Variants in AKAP19 observed in about 807,000 individuals in gnomAD.
AKAP19 encodes the protein small A-kinase anchoring protein.
the AKAP19 span, among the ~76,000 whole-genome samples, chr2:189,955,871 A>G: frequency 1.3e-5 from 2 of 152,220 alleles, no homozygotes; most frequent in Non-Finnish European, 2.9e-5. Flanking sequence ...ACCAAATCCA[A>G]TATAAATATC....
chr2:190,155,497 A>G, the AKAP19 span, among the ~76,000 whole-genome samples: 159 of 152,322 alleles, frequency 1.0e-3, 2 homozygotes, highest in South Asian at 1.9e-3. Context: ...TAACTATTAG[A>G]TTAGACTAGA....
chr2:190,128,168 C>T, the AKAP19 span, among the ~76,000 whole-genome samples: 1 of 152,100 alleles, frequency 6.6e-6, no homozygotes, highest in African/African-American at 2.4e-5. Context: ...GAGCTAATGT[C>T]TCTTTAAGGA....
the AKAP19 span, among the ~76,000 whole-genome samples, chr2:190,128,810 A>G: frequency 6.6e-6 from 1 of 152,214 alleles, no homozygotes; most frequent in African/African-American, 2.4e-5. Context: ...TAATAGTATA[A>G]AAACCTAAAC....
At chr2:190,160,023 T>C in the AKAP19 span, among the ~76,000 whole-genome samples, 26 of 152,202 alleles carry the variant, frequency 1.7e-4, no homozygotes, top group African/African-American at 6.3e-4. Flanking sequence ...AGTTGAAACA[T>C]TTCTTTAGAT....
chr2:189,918,232 A>G, the AKAP19 span, among the ~76,000 whole-genome samples: 7 of 152,118 alleles, frequency 4.6e-5, no homozygotes, highest in Non-Finnish European at 8.8e-5. Flanking sequence ...GATAGAATAT[A>G]TAGTATTTAT....
the AKAP19 span, among the ~76,000 whole-genome samples, chr2:190,109,556 A>G: frequency 6.6e-6 from 1 of 151,144 alleles, no homozygotes; most frequent in East Asian, 1.9e-4. Flanking sequence ...TGGGAGGGGG[A>G]CTCTTGCCGA....
the AKAP19 span, among the ~76,000 whole-genome samples, chr2:190,012,664 G>A: frequency 6.6e-6 from 1 of 152,088 alleles, no homozygotes; most frequent in South Asian, 2.1e-4. Context: ...GAAATGATGG[G>A]AATGGGCATC....
the AKAP19 span, among the ~76,000 whole-genome samples, chr2:190,198,631 C>A: frequency 1.4e-3 from 102 of 70,566 alleles, no homozygotes; most frequent in East Asian, 3.6e-3. Context: ...GACCCTGTCT[C>A]AAAAAAAAAA....
the AKAP19 span, among the ~76,000 whole-genome samples, chr2:189,937,916 C>T: frequency 6.6e-6 from 1 of 152,036 alleles, no homozygotes; most frequent in African/African-American, 2.4e-5. Context: ...CTCTGTATAC[C>T]CAAAAGAAAG....
At chr2:189,968,022 T>C in the AKAP19 span, among the ~76,000 whole-genome samples, 1 of 152,086 alleles carries the variant, frequency 6.6e-6, no homozygotes, top group Non-Finnish European at 1.5e-5. Context: ...AATTTGCACG[T>C]TGTGTGGAAT....
the AKAP19 span, among the ~76,000 whole-genome samples, chr2:190,076,911 A>G: frequency 6.6e-6 from 1 of 152,162 alleles, no homozygotes; most frequent in Non-Finnish European, 1.5e-5. Flanking sequence ...CATTAATTAG[A>G]CAACTTAATG....
At chr2:190,140,747 A>G in the AKAP19 span, among the ~76,000 whole-genome samples, 1 of 152,204 alleles carries the variant, frequency 6.6e-6, no homozygotes, top group Admixed American at 6.5e-5. Flanking sequence ...TCTCTGACAT[A>G]GCCTGGAGAC....
the AKAP19 span, among the ~76,000 whole-genome samples, chr2:190,010,767 C>T: frequency 2.0e-5 from 3 of 152,000 alleles, no homozygotes; most frequent in Non-Finnish European, 2.9e-5. Flanking sequence ...AAACTATAAT[C>T]GTATATATTT....
At chr2:190,153,276 C>A in the AKAP19 span, among the ~76,000 whole-genome samples, 2 of 152,176 alleles carry the variant, frequency 1.3e-5, no homozygotes, top group Non-Finnish European at 2.9e-5. Flanking sequence ...TATCCTGCTA[C>A]TTTGCTGAAT....
chr2:190,080,730 T>A, the AKAP19 span, among the ~76,000 whole-genome samples: 1 of 152,368 alleles, frequency 6.6e-6, no homozygotes, highest in East Asian at 1.9e-4. Context: ...TAGAGAATTA[T>A]ACAAGGGTCT....
At chr2:190,064,864 A>C in the AKAP19 span, among the ~76,000 whole-genome samples, 2 of 152,168 alleles carry the variant, frequency 1.3e-5, no homozygotes, top group African/African-American at 4.8e-5. Flanking sequence ...AAGTGAACAA[A>C]GGTTGTCATT....
At chr2:190,041,780 G>A in the AKAP19 span, among the ~76,000 whole-genome samples, 2 of 152,188 alleles carry the variant, frequency 1.3e-5, no homozygotes, top group African/African-American at 4.8e-5. Context: ...TAATCATGTG[G>A]TTTTTGTCTT....
the AKAP19 span, among the ~76,000 whole-genome samples, chr2:190,086,546 G>A: frequency 1.4e-4 from 22 of 152,294 alleles, 1 homozygote; most frequent in South Asian, 4.6e-3. Context: ...GGCCATAGTA[G>A]GTATTTGTAA....
chr2:189,930,189 G>C, the AKAP19 span: 1 of 167,242 alleles, frequency 6.0e-6, no homozygotes, highest in African/African-American at 2.4e-5. Flanking sequence ...CTAATCCCTG[G>C]TTCTTTGGGC....
Sources: allele counts gnomAD v4.1 joint callset (sites outside exome capture counted in the v4.1 genomes callset), GRCh38; gene constraint gnomAD v4.1.1; transcripts MANE v1.5; gene names NCBI Gene and HGNC (gene_info 2026-07-23, HGNC 2026-07-21).